Variants in TXLNB observed in about 807,000 individuals in gnomAD.
TXLNB encodes taxilin beta, also known as beta-taxilin.
TXLNB carries 37 observed loss-of-function variants against 57.4 expected under a neutral mutation model. That is an observed-to-expected ratio of 0.64 (90% CI 0.50 to 0.85). The LOEUF is 0.85. TXLNB is among the 40% of genes least tolerant of loss of function. The pLI, the probability that TXLNB is intolerant of heterozygous loss-of-function variation, is 0.00. For synonymous variants in TXLNB, 302 were observed against 309.6 expected (o/e 0.98, Z 0.26); for missense variants, 848 against 825.6 (o/e 1.03, Z -0.33).
At chr6:139,220,830 A>G in the TXLNB span, among the ~76,000 whole-genome samples, 2 of 152,206 alleles carry the variant, frequency 1.3e-5, no homozygotes, top group African/African-American at 4.8e-5. Context: ...CTTAAATAAA[A>G]CAGAAACTCA....
chr6:139,230,955 C>T, the TXLNB span, among the ~76,000 whole-genome samples: 1 of 152,160 alleles, frequency 6.6e-6, no homozygotes, highest in Non-Finnish European at 1.5e-5. Flanking sequence ...TAACCATCAC[C>T]CTTACATAGG....
chr6:139,237,759 T>G (rs1775852761), downstream of TXLNB, among the ~76,000 whole-genome samples: 1 of 152,092 alleles, frequency 6.6e-6, no homozygotes, highest in African/African-American at 2.4e-5. Context: ...TATGTTTTAG[T>G]TATGATTTGA....
Position 139,253,410 on chromosome 6 carries a change from G to C in TXLNB, c.1077+2154C>G, listed in dbSNP as rs550584196. Among the ~76,000 whole-genome samples, 23 of 152,276 alleles carry C rather than the reference G, an allele frequency of 1.5e-4. No individual in the cohort carries two copies. The South Asian group carries it at 4.8e-3, about 32-fold the overall frequency. Reference sequence around the variant, plus strand: ...GATAGTAGCTGCTACCTTATGTGCTGATGTTTTGGAAACGCTGAAAAGTCA... The same window carrying C: ...GATAGTAGCTGCTACCTTATGTGCTCATGTTTTGGAAACGCTGAAAAGTCA... On this transcript the variant is annotated intron_variant, in intron 7 of 9. Transcript: ENST00000358430.
the TXLNB span, among the ~76,000 whole-genome samples, chr6:139,160,210 A>T: frequency 3.3e-5 from 5 of 152,220 alleles, no homozygotes; most frequent in African/African-American, 1.2e-4. Context: ...TGACTACTTG[A>T]TGATGAACCT....
intron 8 of TXLNB, among the ~76,000 whole-genome samples, chr6:139,247,555 T>A (rs1217129774): frequency 6.7e-6 from 1 of 148,504 alleles, no homozygotes; most frequent in African/African-American, 2.5e-5. Flanking sequence ...TTTTTTTTTT[T>A]TAAGTTATCC....
At chr6:139,281,667 G>A (rs1259152829) in intron 2 of TXLNB, among the ~76,000 whole-genome samples, 1 of 104,112 alleles carries the variant, frequency 9.6e-6, no homozygotes, top group Non-Finnish European at 1.7e-5. Flanking sequence ...TCCTGCCTCA[G>A]CCTCCCGAGT....
At chr6:139,218,662 G>C in the TXLNB span, among the ~76,000 whole-genome samples, 1 of 152,150 alleles carries the variant, frequency 6.6e-6, no homozygotes, top group African/African-American at 2.4e-5. Context: ...CGAGGGAGGA[G>C]AATCGCTTGA....
the TXLNB span, among the ~76,000 whole-genome samples, chr6:139,188,958 A>ATG: frequency 1.3e-5 from 2 of 151,798 alleles, no homozygotes; most frequent in African/African-American, 2.4e-5. Flanking sequence ...GTTTCACAAC[A>ATG]TTGGCCAGGC....
chr6:139,174,482 G>C, the TXLNB span: 2 of 1,613,590 alleles, frequency 1.2e-6, no homozygotes, highest in South Asian at 1.1e-5. Flanking sequence ...ATGGCAGCTG[G>C]CACCAGCTGG....
chr6:139,267,003 T>C (rs976553397), intron 4 of TXLNB, among the ~76,000 whole-genome samples: 1 of 139,940 alleles, frequency 7.1e-6, no homozygotes, highest in East Asian at 2.0e-4. Flanking sequence ...GTTCTCTCAA[T>C]GCAGAATTCT....
At chr6:139,244,780 CTT>C (rs930565847) in intron 8 of TXLNB, 90 bp from the exon 9 acceptor site, 1 of 807,866 alleles carries the variant, frequency 1.2e-6, no homozygotes, top group African/African-American at 1.7e-5. Flanking sequence ...AGGAGAAGCC[CTT>C]TTGTTACCAG....
chr6:139,194,096 C>T, the TXLNB span, among the ~76,000 whole-genome samples: 1 of 152,006 alleles, frequency 6.6e-6, no homozygotes, highest in Non-Finnish European at 1.5e-5. Flanking sequence ...CCGCCTCGGC[C>T]TCCCAAAGTG....
chr6:139,246,478 G>A (rs1356315343), intron 8 of TXLNB, among the ~76,000 whole-genome samples: 4 of 152,188 alleles, frequency 2.6e-5, no homozygotes, highest in Non-Finnish European at 5.9e-5. Flanking sequence ...CACTGAACAA[G>A]CTTTAAACAT....
rs571920038 is a variant in TXLNB, at chr6:139,288,700, A to G, written c.200T>C (p.Ile67Thr). 5.6e-6 allele frequency: 9 copies of G among 1,614,094 alleles called. No individual in the cohort carries two copies. The African/African-American group carries it at 1.2e-4, about 22-fold the overall frequency. ...EELNRQLEDI[I>T]NTYGSAASTA... ...GCTGGCAGCAGACCCATAAGTGTTA[A>G]TGATGTCTTCCAGCTGTCGATTCAG... Residue 67 changes from isoleucine (I) to threonine (T), a missense_variant, in exon 2 of 10, where the codon ATT becomes ACT. Ile to Thr is a moderately conservative substitution (Grantham distance 89). Transcript: ENST00000358430.
the TXLNB span, chr6:139,203,670 T>C: frequency 6.6e-6 from 1 of 152,250 alleles, no homozygotes. Context: ...TGCTCAGCAG[T>C]CTAACAATTC....
chr6:139,278,871 G>T (rs1035136170), intron 2 of TXLNB, among the ~76,000 whole-genome samples: 1 of 152,168 alleles, frequency 6.6e-6, no homozygotes, highest in Admixed American at 6.5e-5. Flanking sequence ...AGGCTTGGTG[G>T]TACATGCCTG....
the TXLNB span, among the ~76,000 whole-genome samples, chr6:139,312,949 ATTTGT>A: frequency 2.6e-5 from 4 of 152,052 alleles, no homozygotes; most frequent in Non-Finnish European, 2.9e-5. Context: ...CTCGCACACT[ATTTGT>A]TTTAACTGAA....
intron 4 of TXLNB, among the ~76,000 whole-genome samples, chr6:139,267,771 T>C (rs1413153829): frequency 6.6e-6 from 1 of 152,116 alleles, no homozygotes; most frequent in Non-Finnish European, 1.5e-5. Context: ...TGAAAATGAA[T>C]GGATGAAAAG....
the TXLNB span, among the ~76,000 whole-genome samples, chr6:139,317,412 T>A: frequency 1.6e-3 from 246 of 152,214 alleles, no homozygotes; most frequent in Non-Finnish European, 2.6e-3. Context: ...TTTTTTTTTT[T>A]TTATTGAAAC....
Sources: gnomAD v4.1 joint callset for allele counts (sites outside exome capture counted in the v4.1 genomes callset) on GRCh38, gnomAD v4.1.1 for gene constraint, MANE v1.5 for transcripts, NCBI Gene and HGNC (gene_info 2026-07-23, HGNC 2026-07-21) for gene names.